The following SC5D variants were observed in gnomAD, a reference collection of about 807,000 sequenced individuals.
The protein encoded by SC5D is sterol-C5-desaturase, also known as lathosterol oxidase.
A neutral mutation model predicts 23.9 loss-of-function variants in SC5D; 21 were observed. The observed-to-expected ratio is 0.88, with a 90% CI of 0.62 to 1.26. SC5D has a LOEUF of 1.26. SC5D is among the 50% of genes most tolerant of loss of function. SC5D has a pLI of 0.00. For synonymous variants in SC5D, 113 were observed against 125.9 expected, an observed-to-expected ratio of 0.90 and a Z score of 0.68; for missense variants, 309 against 364.8, an observed-to-expected ratio of 0.85 and a Z score of 1.25.
rs1948000956 is a variant in SC5D, at chr11:121,310,455, C to CA, written c.*2943_*2944insA. Reference sequence around the variant, plus strand: ...TGTTCAGCCCTTCTGTCTCCTGTCCCTTTTTTTTTTTTTTTTTTTGAGATG... The same window carrying CA: ...TGTTCAGCCCTTCTGTCTCCTGTCCCATTTTTTTTTTTTTTTTTTTGAGATG... On this transcript the variant is annotated 3_prime_UTR_variant, in exon 5 of 5. Coordinates refer to ENST00000264027, the MANE Select transcript of SC5D (RefSeq NM_006918.5). Among the ~76,000 whole-genome samples the CA allele has an allele frequency of 1.8e-5, 2 of 111,196 alleles. No individual in the cohort carries two copies. Among genetic ancestry groups the CA allele is most frequent in the East Asian group, 4.8e-4 (2 of 4,180 alleles). 72.9% of individuals were successfully genotyped at this position (111,196 alleles called of 152,430 possible). A position where few individuals can be genotyped will look rare whatever the true frequency, so the allele number is the denominator to read the frequency against.
intron 1 of SC5D, among the ~76,000 whole-genome samples, chr11:121,297,670 C>G (rs1051840839): frequency 1.3e-5 from 2 of 152,036 alleles, no homozygotes; most frequent in African/African-American, 4.8e-5. Flanking sequence ...GTAGTAAGGA[C>G]TAAGAATTGA....
At position 121,308,133 on chromosome 11, in the gene SC5D, A is replaced by C. The variant is rs1438180772; in HGVS notation, c.*621A>C. On this transcript the variant is annotated 3_prime_UTR_variant, in exon 5 of 5. Transcript: ENST00000264027. ...CATAGGAGGCTCATTCTCTGGACAC[A>C]CTATCACCTATTACATTTTACTGAT... 1 of 152,244 alleles carries C rather than the reference A, an allele frequency of 6.6e-6. No individual in the cohort carries two copies. The highest frequency in any genetic ancestry group is 1.5e-5 in the Non-Finnish European group (1 of 68,058). The allele number at this position is 152,244 out of a possible 1,614,324, so 9.4% of individuals were successfully genotyped here.
At chr11:121,297,273 A>G (rs1947896016) in intron 1 of SC5D, among the ~76,000 whole-genome samples, 1 of 152,232 alleles carries the variant, frequency 6.6e-6, no homozygotes, top group Non-Finnish European at 1.5e-5. Flanking sequence ...TCATTGTAGC[A>G]TTATTTGTAA....
At chr11:121,300,062 A>AC (rs1947915460) in intron 1 of SC5D, among the ~76,000 whole-genome samples, 1 of 152,254 alleles carries the variant, frequency 6.6e-6, no homozygotes, top group Non-Finnish European at 1.5e-5. Flanking sequence ...GACCTGTATT[A>AC]TAAAAAAGGA....
intron 2 of SC5D, 84 bp downstream of exon 2, chr11:121,303,669 AT>A: frequency 8.8e-7 from 1 of 1,134,342 alleles, no homozygotes; most frequent in Non-Finnish European, 1.3e-6. Context: ...GATTAAGCTG[AT>A]TATATGTAAC....
At position 121,307,753 on chromosome 11, in the gene SC5D, G is replaced by A; in HGVS notation, c.*241G>A. 1 of 427,368 alleles carries A rather than the reference G, an allele frequency of 2.3e-6. No homozygotes were observed. Among genetic ancestry groups the A allele is most frequent in the South Asian group, 3.2e-5 (1 of 31,282 alleles). The allele number at this position is 427,368 out of a possible 1,614,324, so 26.5% of individuals were successfully genotyped here. A position where few individuals can be genotyped will look rare whatever the true frequency, so the allele number is the denominator to read the frequency against. ...CCAGATGTTGTTCGGGGGACAACTT[G>A]TATCTTTCTAGCAGCAGATCTGTAG... On this transcript the variant is annotated 3_prime_UTR_variant, in exon 5 of 5. Transcript: ENST00000264027.
At position 121,303,368 on chromosome 11, in the gene SC5D, G is replaced by T. The variant is rs1947938820; in HGVS notation, c.-8G>T. On this transcript the variant is annotated splice_region_variant and 5_prime_UTR_variant, in exon 2 of 5. Coordinates refer to ENST00000264027, the MANE Select transcript of SC5D (RefSeq NM_006918.5). The stretch of plus-strand genomic sequence containing the variant: ...TGTCACACATGCTTATTTTTTAGGG[G>T]CTAAGTGATGGATCTTGTACTCCGT... 6.2e-7 allele frequency: 1 copy of T among 1,613,224 alleles called. No homozygotes were observed. Among genetic ancestry groups the T allele is most frequent in the Non-Finnish European group, 8.5e-7 (1 of 1,179,394 alleles).
Position 121,307,485 on chromosome 11 carries a change from C to T in SC5D, c.873C>T (p.Phe291=), listed in dbSNP as rs779699551. ...ATGGCTGTAAGAATGAAAAATTATT[C>T]AATGGAGAGTTTACAAAGACTGAAT... ...SGNGCKNEKL[F]NGEFTKTE is the part of the protein sequence containing the mutation. Residue 291 remains phenylalanine (F), a synonymous_variant, in exon 5 of 5, where the codon TTC becomes TTT. Coordinates refer to ENST00000264027, the MANE Select transcript of SC5D (RefSeq NM_006918.5). 14 of 1,605,314 alleles carry T rather than the reference C, an allele frequency of 8.7e-6. No individual in the cohort carries two copies. The highest frequency in any genetic ancestry group is 1.2e-5 in the Non-Finnish European group (14 of 1,176,846).
At chr11:121,297,197 CAA>C (rs1047739682) in intron 1 of SC5D, among the ~76,000 whole-genome samples, 2 of 152,106 alleles carry the variant, frequency 1.3e-5, no homozygotes. Context: ...CAATATCTAC[CAA>C]AGTTATGAGT....
intron 1 of SC5D, among the ~76,000 whole-genome samples, chr11:121,296,176 C>A (rs1423068071): frequency 1.3e-5 from 2 of 152,084 alleles, no homozygotes; most frequent in Non-Finnish European, 2.9e-5. Flanking sequence ...GCCTAGTAGT[C>A]CAGATTTCTA....
intron 1 of SC5D, among the ~76,000 whole-genome samples, chr11:121,299,470 A>G (rs17125142): frequency 0.1 from 15,577 of 152,210 alleles, 1,046 homozygotes; most frequent in African/African-American, 0.18. Flanking sequence ...GTACCAGTCT[A>G]TTTTCCATTT....
chr11:121,293,538 A>G (rs149095682), intron 1 of SC5D, among the ~76,000 whole-genome samples: 1 of 152,310 alleles, frequency 6.6e-6, no homozygotes, highest in East Asian at 1.9e-4. Context: ...AGGAAAAATA[A>G]TGTATACTGA....
rs1359227648 is a variant in SC5D at position 121,312,556 on chromosome 11, A to G, written c.*5044A>G. ...TGACAGATTTTTCTAAACACTTCAC[A>G]ACTCACGATTCAAACAAAGACAAAA... is the stretch of plus-strand genomic sequence containing the variant. On this transcript the variant is annotated 3_prime_UTR_variant, in exon 5 of 5. Coordinates refer to ENST00000264027, the MANE Select transcript of SC5D (RefSeq NM_006918.5). Among the ~76,000 whole-genome samples, 1 of 152,172 alleles carries G rather than the reference A, an allele frequency of 6.6e-6. No individual in the cohort carries two copies. The highest frequency in any genetic ancestry group is 1.9e-4 in the East Asian group (1 of 5,202).
chr11:121,304,732 C>G, intron 3 of SC5D: 1 of 463,120 alleles, frequency 2.2e-6, no homozygotes, highest in Non-Finnish European at 3.9e-6. Flanking sequence ...TTGGAGTGAT[C>G]AGAGATGGGT....
chr11:121,309,796 A>G lies in SC5D; in HGVS notation c.*2284A>G, dbSNP rs1006331609. Among the ~76,000 whole-genome samples, 3 of 152,212 alleles carry G rather than the reference A, an allele frequency of 2.0e-5. No homozygotes were observed. The highest frequency in any genetic ancestry group is 4.4e-5 in the Non-Finnish European group (3 of 68,040). On this transcript the variant is annotated 3_prime_UTR_variant, in exon 5 of 5. Coordinates refer to ENST00000264027, the MANE Select transcript of SC5D (RefSeq NM_006918.5). ...GTACTGCCACATTCTCCTACTTTCT[A>G]TTAGAGGAAGTCAGAGAATATTTAT...
At position 121,312,071 on chromosome 11, in the gene SC5D, T is replaced by G. The variant is rs2134274918; in HGVS notation, c.*4559T>G. On this transcript the variant is annotated 3_prime_UTR_variant, in exon 5 of 5. Coordinates refer to ENST00000264027, the MANE Select transcript of SC5D (RefSeq NM_006918.5). ...ACATTGTGTTGTTAAATAATTTCAT[T>G]TAAAAAATGCATCACTTTGTGTGTT... Among the ~76,000 whole-genome samples, 1 of 152,312 alleles carries G rather than the reference T, an allele frequency of 6.6e-6. No homozygotes were observed. The highest frequency in any genetic ancestry group is 1.5e-5 in the Non-Finnish European group (1 of 68,004).
chr11:121,298,986 C>T (rs1386776213), intron 1 of SC5D, among the ~76,000 whole-genome samples: 1 of 152,158 alleles, frequency 6.6e-6, no homozygotes, highest in Admixed American at 6.5e-5. Context: ...CAGGAACCGG[C>T]CATTTTCACT....
Position 121,297,243 on chromosome 11 carries a change from A to G in SC5D, c.-11+4427A>G, listed in dbSNP as rs144946811. On this transcript the variant is annotated intron_variant, in intron 1 of 4. Coordinates refer to ENST00000264027, the MANE Select transcript of SC5D (RefSeq NM_006918.5). ...CTTTCGCTCAGCTCTTCTTTTAGAA[A>G]TCTGCCTAATGAGGGCCTGTCATTG... Among the ~76,000 whole-genome samples, 207 of 152,338 alleles carry G rather than the reference A, an allele frequency of 1.4e-3. 1 individual carries two copies. Among genetic ancestry groups the G allele is most frequent in the African/African-American group, 4.8e-3 (199 of 41,570 alleles).
chr11:121,300,654 C>A (rs747419048), intron 1 of SC5D, among the ~76,000 whole-genome samples: 7 of 152,186 alleles, frequency 4.6e-5, no homozygotes, highest in Admixed American at 1.3e-4. Flanking sequence ...CTTTGAAAAG[C>A]TCTGTTTTCC....
Sources: gnomAD v4.1 joint callset for allele counts (sites outside exome capture counted in the v4.1 genomes callset) on GRCh38, gnomAD v4.1.1 for gene constraint, MANE v1.5 for transcripts, NCBI Gene and HGNC (gene_info 2026-07-23, HGNC 2026-07-21) for gene names.